PIP4K2A: variants seen among roughly 807,000 people sequenced by gnomAD.
The protein encoded by PIP4K2A is phosphatidylinositol-5-phosphate 4-kinase type 2 alpha.
Under a neutral mutation model 42.9 loss-of-function variants are expected in PIP4K2A, and 14 were observed. That is an observed-to-expected ratio of 0.33 (90% CI 0.22 to 0.51). The LOEUF is 0.51. Among genes scored for constraint, PIP4K2A ranks in the 20% least tolerant of loss-of-function variants. The probability of loss-of-function intolerance (pLI) is 0.97; values close to 1 mark genes in which losing one functional copy is unlikely to be tolerated. For synonymous variants in PIP4K2A, 192 were observed against 192.2 expected (o/e 1.00, Z 0.01); for missense variants, 434 against 519.8 (o/e 0.83, Z 1.61).
At chr10:22,692,437 T>C (rs563568847) in intron 1 of PIP4K2A, among the ~76,000 whole-genome samples, 1 of 151,926 alleles carries the variant, frequency 6.6e-6, no homozygotes, top group South Asian at 2.1e-4. Context: ...ATCTGTGGAG[T>C]AGGGGTTGGG....
intron 3 of PIP4K2A, among the ~76,000 whole-genome samples, chr10:22,595,238 C>T (rs1479087451): frequency 6.6e-6 from 1 of 152,082 alleles, no homozygotes; most frequent in Non-Finnish European, 1.5e-5. Flanking sequence ...ATCCATTTTT[C>T]CCACCTCAAG....
intron 8 of PIP4K2A, among the ~76,000 whole-genome samples, chr10:22,540,938 C>T (rs1836091412): frequency 6.6e-6 from 1 of 152,136 alleles, no homozygotes; most frequent in South Asian, 2.1e-4. Context: ...TTGAAGAAAA[C>T]ATTTTGGTGA....
intron 1 of PIP4K2A, among the ~76,000 whole-genome samples, chr10:22,621,920 C>T (rs911694461): frequency 6.6e-6 from 1 of 152,168 alleles, no homozygotes. Context: ...TGCTTTCCTG[C>T]CCAGCATCCA....
intron 4 of PIP4K2A, among the ~76,000 whole-genome samples, chr10:22,583,087 G>A (rs933785891): frequency 6.6e-5 from 10 of 152,120 alleles, no homozygotes; most frequent in Non-Finnish European, 1.3e-4. Flanking sequence ...GTACATACAC[G>A]GATGTGCCTC....
At chr10:22,691,113 G>C (rs943739764) in intron 1 of PIP4K2A, among the ~76,000 whole-genome samples, 1 of 152,110 alleles carries the variant, frequency 6.6e-6, no homozygotes, top group African/African-American at 2.4e-5. Flanking sequence ...AGGTTCAGAC[G>C]GTGTGTGCCA....
intron 1 of PIP4K2A, 40 bp downstream of exon 1, chr10:22,714,143 G>A: frequency 3.2e-6 from 5 of 1,566,320 alleles, no homozygotes; most frequent in Non-Finnish European, 4.3e-6. Flanking sequence ...AGGAAGAGGA[G>A]GAGGAGGAAG....
intron 1 of PIP4K2A, among the ~76,000 whole-genome samples, chr10:22,617,120 A>G (rs545618842): frequency 1.3e-5 from 2 of 152,266 alleles, no homozygotes; most frequent in South Asian, 2.1e-4. Flanking sequence ...TGACATTTAC[A>G]TCACATGCAA....
At chr10:22,569,097 C>T (rs1479585659) in intron 5 of PIP4K2A, 2 of 1,410,716 alleles carry the variant, frequency 1.4e-6, no homozygotes, top group South Asian at 2.5e-5. Flanking sequence ...TTTCATCGAG[C>T]AGCTCAGGCA....
intron 1 of PIP4K2A, among the ~76,000 whole-genome samples, chr10:22,698,388 A>C (rs1167560234): frequency 6.6e-6 from 1 of 152,182 alleles, no homozygotes. Flanking sequence ...TTTGAAAGCA[A>C]CTTGGCAACA....
intron 1 of PIP4K2A, among the ~76,000 whole-genome samples, chr10:22,710,201 C>T (rs968989747): frequency 2.0e-5 from 3 of 152,186 alleles, no homozygotes; most frequent in African/African-American, 7.2e-5. Flanking sequence ...ACACACAACA[C>T]AGCACATGGT....
At chr10:22,692,899 C>T (rs1311609443) in intron 1 of PIP4K2A, among the ~76,000 whole-genome samples, 3 of 152,154 alleles carry the variant, frequency 2.0e-5, no homozygotes, top group African/African-American at 7.2e-5. Context: ...GGAAAATGTT[C>T]GTCAAGGAAT....
intron 1 of PIP4K2A, among the ~76,000 whole-genome samples, chr10:22,666,028 G>GAA (rs1459210385): frequency 6.6e-6 from 1 of 152,060 alleles, no homozygotes; most frequent in African/African-American, 2.4e-5. Flanking sequence ...TACAATGTCT[G>GAA]AAATAGGTTT....
intron 6 of PIP4K2A, among the ~76,000 whole-genome samples, chr10:22,564,813 G>A (rs1032411111): frequency 2.0e-5 from 3 of 152,182 alleles, no homozygotes; most frequent in African/African-American, 7.2e-5. Flanking sequence ...ATCTGGCTTT[G>A]GTCCCCACTC....
At chr10:22,644,881 C>T (rs1457550308) in intron 1 of PIP4K2A, among the ~76,000 whole-genome samples, 1 of 152,180 alleles carries the variant, frequency 6.6e-6, no homozygotes, top group African/African-American at 2.4e-5. Flanking sequence ...TGTTTCATGG[C>T]AACTTGCCCT....
At chr10:22,540,098 C>T in intron 8 of PIP4K2A, 24 bp from the exon 9 acceptor site, 1 of 1,149,798 alleles carries the variant, frequency 8.7e-7, no homozygotes, top group Non-Finnish European at 1.3e-6. Flanking sequence ...AGAGCAATGA[C>T]TGTGGGACAT....
At chr10:22,705,425 T>TAAAA (rs1833800596) in intron 1 of PIP4K2A, among the ~76,000 whole-genome samples, 4 of 56,876 alleles carry the variant, frequency 7.0e-5, no homozygotes, top group Non-Finnish European at 1.3e-4. Context: ...AGTACCCCAG[T>TAAAA]TAAAAAAAAA....
At chr10:22,696,123 T>C (rs1839967126) in intron 1 of PIP4K2A, among the ~76,000 whole-genome samples, 1 of 152,228 alleles carries the variant, frequency 6.6e-6, no homozygotes, top group Admixed American at 6.5e-5. Flanking sequence ...CCACTCAAAG[T>C]ATCAGCCATG....
intron 1 of PIP4K2A, among the ~76,000 whole-genome samples, chr10:22,689,637 G>A (rs1292227024): frequency 6.6e-6 from 1 of 152,174 alleles, no homozygotes; most frequent in Non-Finnish European, 1.5e-5. Flanking sequence ...GGTATGGGGA[G>A]TGGTCCTGAA....
chr10:22,564,292 C>T (rs1836784397), intron 6 of PIP4K2A, among the ~76,000 whole-genome samples: 1 of 152,240 alleles, frequency 6.6e-6, no homozygotes, highest in South Asian at 2.1e-4. Flanking sequence ...ACGCCATTAG[C>T]TGTAACTGTC....
Sources: allele counts gnomAD v4.1 joint callset (sites outside exome capture counted in the v4.1 genomes callset), GRCh38; gene constraint gnomAD v4.1.1; transcripts MANE v1.5; gene names NCBI Gene and HGNC (gene_info 2026-07-23, HGNC 2026-07-21).